CCNF: variants seen among roughly 807,000 people sequenced by gnomAD.
The protein encoded by CCNF is cyclin F.
In CCNF, 30 loss-of-function variants were observed where a neutral mutation model predicts 85.4. That is an observed-to-expected ratio of 0.35 (90% CI 0.26 to 0.48). The LOEUF (loss-of-function observed/expected upper bound fraction) is 0.48. Ranked by LOEUF, CCNF falls within the 20% of genes least tolerant of loss-of-function variation. The pLI is 0.99. For synonymous variants in CCNF, 439 were observed against 425.1 expected (o/e 1.03, Z -0.40); for missense variants, 919 against 1,010.4 (o/e 0.91, Z 1.23).
intron 10 of CCNF, among the ~76,000 whole-genome samples, chr16:2,447,921 T>G (rs1198525900): frequency 2.6e-5 from 4 of 152,218 alleles, no homozygotes; most frequent in Non-Finnish European, 4.4e-5. Flanking sequence ...CCTGCGCCTC[T>G]TGTCCTCTTG....
intron 2 of CCNF, among the ~76,000 whole-genome samples, chr16:2,432,431 G>A (rs1264466685): frequency 6.6e-6 from 1 of 152,118 alleles, no homozygotes; most frequent in Non-Finnish European, 1.5e-5. Flanking sequence ...AATGGCAGTG[G>A]AAACTTTGGT....
rs908732966 is a variant in CCNF at position 2,449,407 on chromosome 16, C to A, written c.1344C>A (p.Ala448=). The A allele has an allele frequency of 4.3e-6, 7 of 1,611,264 alleles. No individual in the cohort carries two copies. The highest frequency in any genetic ancestry group is 5.9e-6 in the Non-Finnish European group (7 of 1,179,970). The part of the protein sequence containing the change: ...SLLHTSLSAY[A]PARLAAAALL... ...TGCACACCAGCCTGTCCGCCTACGCCCCAGCCCGCCTGGCTGCCGCAGCCC... is the reference window on the plus strand; with the variant it reads ...TGCACACCAGCCTGTCCGCCTACGCACCAGCCCGCCTGGCTGCCGCAGCCC... Residue 448 remains alanine, a synonymous_variant, in exon 12 of 17, where the codon GCC becomes GCA. Transcript: ENST00000397066.
intron 9 of CCNF, among the ~76,000 whole-genome samples, chr16:2,444,673 T>G (rs2065351919): frequency 6.6e-6 from 1 of 151,880 alleles, no homozygotes; most frequent in Admixed American, 6.6e-5. Context: ...TTCAGCTCAC[T>G]GCAGCCTCCG....
At position 2,433,734 on chromosome 16, in the gene CCNF, C is replaced by T. The variant is rs186558357; in HGVS notation, c.278+667C>T. Reference sequence around the variant, plus strand: ...CTGAGTAGCTAGGATTACAGGCACGCGCTACCACGCCCATCTAATTTTTGT... The same window carrying T: ...CTGAGTAGCTAGGATTACAGGCACGTGCTACCACGCCCATCTAATTTTTGT... On this transcript the variant is annotated intron_variant, in intron 3 of 16. Transcript: ENST00000397066. Among the ~76,000 whole-genome samples, 85 of 152,248 alleles carry T rather than the reference C, an allele frequency of 5.6e-4. 1 individual carries two copies. Among genetic ancestry groups the T allele is most frequent in the Middle Eastern group, 3.4e-3 (1 of 294 alleles).
At chr16:2,443,057 A>G (rs2065340630) in intron 8 of CCNF, among the ~76,000 whole-genome samples, 1 of 115,072 alleles carries the variant, frequency 8.7e-6, no homozygotes, top group African/African-American at 3.4e-5. Flanking sequence ...ATGTTATAAT[A>G]TCTATAATAT....
Position 2,453,597 on chromosome 16 carries a change from T to C in CCNF, c.1715+60T>C. The C allele has an allele frequency of 6.2e-7, 1 of 1,604,252 alleles. No individual in the cohort carries two copies. ...TGCTGGCATCCTCGTGCCGGCCCAG[T>C]TCCCTCAGCGCTTCCTCACACAGAG... is the stretch of plus-strand genomic sequence containing the variant. On this transcript the variant is annotated intron_variant, in intron 15 of 16. Transcript: ENST00000397066. This position sits in a 1 kb window ranked among gnomAD's most constrained non-coding sequence, Gnocchi z 5.6.
In CCNF at chr16:2,452,522, T is replaced by A. The variant is rs1047705393; in HGVS notation, c.1488-688T>A. 5.3e-5 allele frequency: 8 copies of A among 152,318 alleles called. No homozygotes were observed. The highest frequency in any genetic ancestry group is 2.1e-4 in the South Asian group (1 of 4,840). The allele number at this position is 152,318 out of a possible 1,614,324, so 9.4% of individuals were successfully genotyped here. A position where few individuals can be genotyped will look rare whatever the true frequency, so the allele number is the denominator to read the frequency against. ...TTCTCTTCCTCCTGAAGAAGTTAATTTTTTTTCCAAACAAGATAAATTAGA... is the reference window on the plus strand; with the variant it reads ...TTCTCTTCCTCCTGAAGAAGTTAATATTTTTTCCAAACAAGATAAATTAGA... On this transcript the variant is annotated intron_variant, in intron 13 of 16. Coordinates refer to ENST00000397066, the MANE Select transcript of CCNF (RefSeq NM_001761.3). The surrounding 1 kb of genome is among the most constrained non-coding windows in gnomAD (Gnocchi z 4.1).
intron 3 of CCNF, among the ~76,000 whole-genome samples, chr16:2,435,596 G>GATAT (rs57972250): frequency 6.8e-6 from 1 of 147,320 alleles, no homozygotes; most frequent in African/African-American, 2.5e-5. Context: ...GAGAGAGAGA[G>GATAT]ATATATATAT....
chr16:2,455,229 G>A (rs1328763342), intron 15 of CCNF, among the ~76,000 whole-genome samples, 166 bp from the exon 16 acceptor site: 1 of 152,246 alleles, frequency 6.6e-6, no homozygotes, highest in Non-Finnish European at 1.5e-5. Flanking sequence ...CCTGCCTGAA[G>A]GGCTTATACC....
rs113278292 is a variant in CCNF at position 2,445,670 on chromosome 16, C to T, written c.1094+48C>T. 3.8e-4 allele frequency: 595 copies of T among 1,571,474 alleles called. 3 individuals carry two copies. In the African/African-American group the frequency reaches 5.8e-3, roughly 15 times the overall value. Reference sequence around the variant, plus strand: ...CTGGCAGGGACGTGCTGGCCTTTCCCGGGTTCAGGGTCACCTGCCCTTCAT... The same window carrying T: ...CTGGCAGGGACGTGCTGGCCTTTCCTGGGTTCAGGGTCACCTGCCCTTCAT... On this transcript the variant is annotated intron_variant, in intron 10 of 16. Transcript: ENST00000397066.
chr16:2,449,490 CTG>C (rs752461904), intron 12 of CCNF, 28 bp downstream of exon 12: 1 of 1,585,190 alleles, frequency 6.3e-7, no homozygotes, highest in Admixed American at 1.7e-5. Flanking sequence ...CCAGGGATGC[CTG>C]TGTCGGGGAA....
In CCNF at chr16:2,453,634, GCT is replaced by G. The variant is rs1221720829; in HGVS notation, c.1715+98_1715+99del. The G allele has an allele frequency of 5.8e-5, 87 of 1,496,424 alleles. No individual in the cohort carries two copies. Among genetic ancestry groups the G allele is most frequent in the Non-Finnish European group, 7.9e-5 (86 of 1,092,364 alleles). 92.7% of individuals were successfully genotyped at this position (1,496,424 alleles called of 1,614,324 possible). A position where few individuals can be genotyped will look rare whatever the true frequency, so the allele number is the denominator to read the frequency against. On this transcript the variant is annotated intron_variant, in intron 15 of 16. Coordinates refer to ENST00000397066, the MANE Select transcript of CCNF (RefSeq NM_001761.3). The surrounding 1 kb of genome is among the most constrained non-coding windows in gnomAD (Gnocchi z 5.6). ...TTCCTCACACAGAGAGGCCCCCAAG[GCT>G]TGTCAGGGGAGCAGCAGATCCCAGG...
chr16:2,435,897 G>T, intron 4 of CCNF, 24 bp downstream of exon 4: 1 of 1,563,622 alleles, frequency 6.4e-7, no homozygotes, highest in Non-Finnish European at 8.8e-7. Flanking sequence ...CCACCTGCAT[G>T]TTGGCGCTTC....
chr16:2,432,945 C>T lies in CCNF; in HGVS notation c.172-16C>T. 6.5e-7 allele frequency: 1 copy of T among 1,548,234 alleles called. No individual in the cohort carries two copies. The highest frequency in any genetic ancestry group is 1.1e-5 in the South Asian group (1 of 88,526). On this transcript the variant is annotated splice_polypyrimidine_tract_variant and intron_variant, in intron 2 of 16. Coordinates refer to ENST00000397066, the MANE Select transcript of CCNF (RefSeq NM_001761.3). ...GGTGCCTCCATCACCCAGCCCCGGC[C>T]CCCGTTGTTCTGCAGGTACACTCCC...
In CCNF at chr16:2,451,940, C is replaced by T. The variant is rs894219324; in HGVS notation, c.1488-1270C>T. Among the ~76,000 whole-genome samples the T allele has an allele frequency of 1.3e-5, 2 of 152,258 alleles. No individual in the cohort carries two copies. The highest frequency in any genetic ancestry group is 4.8e-5 in the African/African-American group (2 of 41,472). ...ACCTGCCACCCCCCTGCCAGCGTGA[C>T]TCAGCCAACGGCCTGTTGCCTGTTC... is the stretch of plus-strand genomic sequence containing the variant. On this transcript the variant is annotated intron_variant, in intron 13 of 16. Coordinates refer to ENST00000397066, the MANE Select transcript of CCNF (RefSeq NM_001761.3). This position sits in a 1 kb window ranked among gnomAD's most constrained non-coding sequence, Gnocchi z 4.3.
rs560665712 is a variant in CCNF, at chr16:2,431,196, G to A, written c.83G>A (p.Arg28Gln). ...PTKRRIRRRP[R>Q]NLTILSLPED... Reference sequence around the variant, plus strand: ...AAGCGAAGAATAAGGAGGAGGCCCCGAAACCTGACCATCTTGAGTCTCCCC... The same window carrying A: ...AAGCGAAGAATAAGGAGGAGGCCCCAAAACCTGACCATCTTGAGTCTCCCC... The change falls in exon 2 of 17, where the codon CGA (arginine) becomes CAA (glutamine). Residue 28 changes from arginine to glutamine, a missense_variant. Around this residue, in one of 3 missense-constraint regions of CCNF, gnomAD observed 410 missense variants for 478.6 expected, o/e 0.86. Coordinates refer to ENST00000397066, the MANE Select transcript of CCNF (RefSeq NM_001761.3). 5.4e-5 allele frequency: 87 copies of A among 1,614,096 alleles called. No homozygotes were observed. The highest frequency in any genetic ancestry group is 4.9e-4 in the Middle Eastern group (3 of 6,062).
Position 2,457,090 on chromosome 16 carries a change from T to C in CCNF, c.*70T>C, listed in dbSNP as rs1468448428. On this transcript the variant is annotated 3_prime_UTR_variant, in exon 17 of 17. Transcript: ENST00000397066. ...GGAGGCGAAGGGTGGGAGCATAGCA[T>C]AGGAACGCTGCATAGACCATGGAGG... The C allele has an allele frequency of 3.4e-6, 4 of 1,165,394 alleles. No individual in the cohort carries two copies. Among genetic ancestry groups the C allele is most frequent in the East Asian group, 2.5e-5 (1 of 39,282 alleles). The allele number at this position is 1,165,394 out of a possible 1,614,324, so 72.2% of individuals were successfully genotyped here. A position where few individuals can be genotyped will look rare whatever the true frequency, so the allele number is the denominator to read the frequency against.
chr16:2,437,924 ACT>A, intron 5 of CCNF, 144 bp from the exon 6 acceptor site: 1 of 536,780 alleles, frequency 1.9e-6, no homozygotes, highest in Admixed American at 3.2e-5. Flanking sequence ...AAAAAAAAAG[ACT>A]GAAATCTGGG....
rs559244938 is a variant in CCNF at position 2,448,797 on chromosome 16, G to T, written c.1095-58G>T. The T allele has an allele frequency of 2.6e-6, 4 of 1,566,824 alleles. No homozygotes were observed. The East Asian group carries it at 6.8e-5, about 26-fold the overall frequency. ...GCCTCCTAAAGCCTTGGGTCCCTCC[G>T]CCCCACCCCTGCCCCAGGAAGTGGG... On this transcript the variant is annotated intron_variant, in intron 10 of 16. Coordinates refer to ENST00000397066, the MANE Select transcript of CCNF (RefSeq NM_001761.3).
Sources: gnomAD v4.1 joint callset for allele counts (sites outside exome capture counted in the v4.1 genomes callset) on GRCh38, gnomAD v4.1.1 for gene constraint, gnomAD v4.1.1 regional missense constraint, Gnocchi (gnomAD v3.1) non-coding constraint, MANE v1.5 for transcripts, NCBI Gene and HGNC (gene_info 2026-07-23, HGNC 2026-07-21) for gene names.